CAAP1: variants seen among roughly 807,000 people sequenced by gnomAD.
The protein encoded by CAAP1 is conserved anti-apoptotic protein.
A neutral mutation model predicts 34.0 loss-of-function variants in CAAP1; 20 were observed. The observed-to-expected ratio is 0.59, with a 90% CI of 0.41 to 0.86. The LOEUF (loss-of-function observed/expected upper bound fraction) is 0.86. Among genes scored for constraint, CAAP1 ranks in the 40% least tolerant of loss-of-function variants. The pLI is 0.00. For synonymous variants in CAAP1, 213 were observed against 166.7 expected (o/e 1.28, Z -2.14); for missense variants, 538 against 450.5 (o/e 1.19, Z -1.76).
intron 4 of CAAP1, among the ~76,000 whole-genome samples, chr9:26,879,966 A>C (rs1049077593): frequency 2.0e-5 from 3 of 152,078 alleles, no homozygotes; most frequent in African/African-American, 7.2e-5. Context: ...TCTCCTTAAT[A>C]AACTCCCTTT....
intron 1 of CAAP1, among the ~76,000 whole-genome samples, chr9:26,889,971 T>C (rs1823860297): frequency 6.6e-6 from 1 of 152,080 alleles, no homozygotes; most frequent in Admixed American, 6.5e-5. Context: ...AATGACCTTT[T>C]CTTCACAAAT....
intron 4 of CAAP1, among the ~76,000 whole-genome samples, chr9:26,862,475 T>C (rs1823024902): frequency 6.6e-6 from 1 of 151,920 alleles, no homozygotes; most frequent in Non-Finnish European, 1.5e-5. Flanking sequence ...GATGGATATA[T>C]GTAATACTCT....
In CAAP1 at chr9:26,846,862, T is replaced by C. The variant is rs557270538; in HGVS notation, c.740-4215A>G. Among the ~76,000 whole-genome samples, 102 of 151,966 alleles carry C rather than the reference T, an allele frequency of 6.7e-4. 1 individual carries two copies. The highest frequency in any genetic ancestry group is 2.3e-3 in the African/African-American group (96 of 41,478). On this transcript the variant is annotated intron_variant, in intron 5 of 5. Coordinates refer to ENST00000333916, the MANE Select transcript of CAAP1 (RefSeq NM_024828.4). ...GCCACCATGCCTGGCTAATTTCGTA[T>C]TTTTAGTAGAGACGGGGTTTCTCCA... is the stretch of plus-strand genomic sequence containing the variant.
intron 4 of CAAP1, among the ~76,000 whole-genome samples, chr9:26,866,911 A>G (rs1823151066): frequency 1.3e-5 from 2 of 152,138 alleles, no homozygotes; most frequent in Non-Finnish European, 2.9e-5. Flanking sequence ...GGGGTCCCCA[A>G]CGCCTGGGCC....
At chr9:26,890,392 A>T (rs1033720461) in intron 1 of CAAP1, among the ~76,000 whole-genome samples, 1 of 151,142 alleles carries the variant, frequency 6.6e-6, no homozygotes, top group African/African-American at 2.4e-5. Context: ...AAAAAAAAGG[A>T]AACTATTTAA....
chr9:26,889,542 A>G (rs1430500689), intron 1 of CAAP1, among the ~76,000 whole-genome samples: 14 of 152,096 alleles, frequency 9.2e-5, no homozygotes, highest in Admixed American at 7.9e-4. Context: ...CTACATTTCA[A>G]TAAAGTTCTT....
chr9:26,890,360 G>A (rs560417367), intron 1 of CAAP1, among the ~76,000 whole-genome samples: 22 of 148,946 alleles, frequency 1.5e-4, no homozygotes, highest in African/African-American at 4.0e-4. Flanking sequence ...GACACAGTGA[G>A]AGCCTATCTC....
At chr9:26,876,459 T>C (rs971470073) in intron 4 of CAAP1, among the ~76,000 whole-genome samples, 1 of 149,062 alleles carries the variant, frequency 6.7e-6, no homozygotes, top group African/African-American at 2.5e-5. Flanking sequence ...CTATCATATA[T>C]GCATTCTAGA....
At chr9:26,845,523 G>A (rs970148956) in intron 5 of CAAP1, among the ~76,000 whole-genome samples, 1 of 152,052 alleles carries the variant, frequency 6.6e-6, no homozygotes, top group Non-Finnish European at 1.5e-5. Flanking sequence ...TTACAAGCAC[G>A]TGCCACCACA....
intron 5 of CAAP1, among the ~76,000 whole-genome samples, chr9:26,848,125 G>T (rs1012496377): frequency 1.3e-5 from 2 of 152,098 alleles, no homozygotes; most frequent in Admixed American, 1.3e-4. Flanking sequence ...TTATCAACTC[G>T]AATATTTATA....
intron 5 of CAAP1, among the ~76,000 whole-genome samples, chr9:26,848,177 T>A (rs1822661830): frequency 6.6e-6 from 1 of 152,188 alleles, no homozygotes; most frequent in Non-Finnish European, 1.5e-5. Flanking sequence ...ACTTAAAAGT[T>A]CCTTTTATTT....
intron 1 of CAAP1, among the ~76,000 whole-genome samples, chr9:26,889,354 G>A (rs1326718051): frequency 6.6e-6 from 1 of 151,670 alleles, no homozygotes; most frequent in African/African-American, 2.4e-5. Context: ...GGAGGCGGAG[G>A]TTGCAGTGAG....
intron 4 of CAAP1, among the ~76,000 whole-genome samples, chr9:26,874,062 C>A (rs952330469): frequency 2.0e-5 from 3 of 151,618 alleles, no homozygotes; most frequent in Non-Finnish European, 4.4e-5. Context: ...AAAAAATTAG[C>A]CGGATGTGGT....
At chr9:26,868,934 C>G (rs905570907) in intron 4 of CAAP1, among the ~76,000 whole-genome samples, 2 of 152,108 alleles carry the variant, frequency 1.3e-5, no homozygotes, top group South Asian at 2.1e-4. Flanking sequence ...CCGGGAAAAT[C>G]TGAATATGAA....
chr9:26,853,470 G>T (rs1229159423), intron 5 of CAAP1, among the ~76,000 whole-genome samples: 1 of 152,164 alleles, frequency 6.6e-6, no homozygotes, highest in Non-Finnish European at 1.5e-5. Flanking sequence ...GTTAGTAGTT[G>T]CCAGTCTTAA....
intron 4 of CAAP1, among the ~76,000 whole-genome samples, chr9:26,868,212 G>A (rs541363412): frequency 1.8e-3 from 280 of 151,924 alleles, no homozygotes; most frequent in African/African-American, 6.1e-3. Flanking sequence ...TACCTCATAC[G>A]GCAAAAAACT....
At chr9:26,871,782 G>T (rs1823281545) in intron 4 of CAAP1, among the ~76,000 whole-genome samples, 1 of 151,262 alleles carries the variant, frequency 6.6e-6, no homozygotes, top group Non-Finnish European at 1.5e-5. Flanking sequence ...AACTAGCTGG[G>T]CAGGGCGGCG....
intron 4 of CAAP1, among the ~76,000 whole-genome samples, chr9:26,877,110 C>T (rs1329869314): frequency 6.6e-6 from 1 of 152,086 alleles, no homozygotes; most frequent in Non-Finnish European, 1.5e-5. Flanking sequence ...TGTACCTGCA[C>T]TCCGGCATGG....
At chr9:26,859,053 G>A (rs1479641699) in intron 5 of CAAP1, among the ~76,000 whole-genome samples, 1 of 149,092 alleles carries the variant, frequency 6.7e-6, no homozygotes, top group African/African-American at 2.5e-5. Flanking sequence ...TAATCATTTA[G>A]TCACAACATG....
Sources: allele counts gnomAD v4.1 joint callset (sites outside exome capture counted in the v4.1 genomes callset), GRCh38; gene constraint gnomAD v4.1.1; transcripts MANE v1.5; gene names NCBI Gene and HGNC (gene_info 2026-07-23, HGNC 2026-07-21).